The following NTRK2 variants were observed in gnomAD, a reference collection of about 807,000 sequenced individuals.
NTRK2 encodes BDNF/NT-3 growth factors receptor.
Under a neutral mutation model 94.5 loss-of-function variants are expected in NTRK2, and 13 were observed. That is an observed-to-expected ratio of 0.14 (90% CI 0.09 to 0.22). The LOEUF (loss-of-function observed/expected upper bound fraction) is 0.22, where lower values mean the gene tolerates loss of function less well. Among genes scored for constraint, NTRK2 ranks in the 10% least tolerant of loss-of-function variants. The pLI is 1.00. For missense variants in NTRK2, 639 were observed against 1,071.2 expected, an observed-to-expected ratio of 0.60 and a Z score of 5.63; for synonymous variants, 372 against 407.4, an observed-to-expected ratio of 0.91 and a Z score of 1.05.
At chr9:84,735,216 A>G (rs2063170008) in intron 9 of NTRK2, among the ~76,000 whole-genome samples, 1 of 152,128 alleles carries the variant, frequency 6.6e-6, no homozygotes, top group South Asian at 2.1e-4. Flanking sequence ...TAAAAATAAA[A>G]ATTGTCGTCC....
chr9:84,672,420 G>A (rs2058758425), intron 2 of NTRK2, among the ~76,000 whole-genome samples: 3 of 152,206 alleles, frequency 2.0e-5, no homozygotes, highest in African/African-American at 7.2e-5. Context: ...GGTGGTCTTG[G>A]ACTGGGCTGG....
rs1705089444 is a variant in NTRK2, at chr9:84,871,073, T to C, written c.1633+3642T>C. ...CTAGGAACGAGAGATCTCTTGAAAA[T>C]GATGGCTTGTTCCCTGCTCTCAAGG... On this transcript the variant is annotated intron_variant, in intron 14 of 18. Coordinates refer to ENST00000277120, the MANE Select transcript of NTRK2 (RefSeq NM_006180.6). 3.9e-5 allele frequency among the ~76,000 whole-genome samples: 6 copies of C among 152,316 alleles called. No homozygotes were observed. In the South Asian group the frequency reaches 1.2e-3, roughly 32 times the overall value.
intron 14 of NTRK2, among the ~76,000 whole-genome samples, chr9:84,905,485 C>T (rs907003406): frequency 6.6e-6 from 1 of 152,060 alleles, no homozygotes; most frequent in Non-Finnish European, 1.5e-5. Context: ...TCTTACAAAC[C>T]AGTGCTTTTT....
At chr9:84,803,899 A>G (rs2070791647) in intron 12 of NTRK2, among the ~76,000 whole-genome samples, 1 of 152,310 alleles carries the variant, frequency 6.6e-6, no homozygotes, top group South Asian at 2.1e-4. Context: ...CCTGTATTCA[A>G]GTGAGGGTAA....
intron 17 of NTRK2, among the ~76,000 whole-genome samples, chr9:84,969,664 T>A (rs1475335704): frequency 6.6e-6 from 1 of 152,242 alleles, no homozygotes; most frequent in East Asian, 1.9e-4. Context: ...AGATAATCTA[T>A]AACAATAATA....
intron 12 of NTRK2, chr9:84,810,991 A>G: frequency 2.7e-6 from 3 of 1,118,716 alleles, no homozygotes; most frequent in Non-Finnish European, 3.3e-6. Flanking sequence ...TTAAAAAAAA[A>G]TTAAAGTTGA....
chr9:84,769,113 A>G (rs2066297337), intron 12 of NTRK2, among the ~76,000 whole-genome samples: 1 of 152,184 alleles, frequency 6.6e-6, no homozygotes, highest in South Asian at 2.1e-4. Context: ...TCTTTGTCGT[A>G]GGGTGTACTC....
intron 12 of NTRK2, among the ~76,000 whole-genome samples, chr9:84,773,716 C>T (rs1283926105): frequency 2.0e-5 from 3 of 152,134 alleles, no homozygotes; most frequent in Non-Finnish European, 4.4e-5. Flanking sequence ...TTATGATAGC[C>T]AGTTTCTAAT....
chr9:84,843,973 A>C (rs2074328378), intron 12 of NTRK2, among the ~76,000 whole-genome samples: 1 of 152,220 alleles, frequency 6.6e-6, no homozygotes, highest in Admixed American at 6.5e-5. Flanking sequence ...TAGAGGCAAG[A>C]CACAGCACAA....
intron 14 of NTRK2, among the ~76,000 whole-genome samples, chr9:84,891,206 C>T (rs773527113): frequency 1.3e-5 from 2 of 151,990 alleles, no homozygotes; most frequent in South Asian, 2.1e-4. Context: ...TGCTTCTTCA[C>T]GTCATGGAGG....
intron 12 of NTRK2, among the ~76,000 whole-genome samples, chr9:84,859,650 GA>G (rs1564397853): frequency 2.0e-5 from 3 of 152,014 alleles, no homozygotes; most frequent in African/African-American, 7.2e-5. Flanking sequence ...CATCTTAAGT[GA>G]AAAAAACAGG....
intron 2 of NTRK2, among the ~76,000 whole-genome samples, chr9:84,700,741 T>C (rs192197986): frequency 1.1e-4 from 16 of 152,342 alleles, no homozygotes; most frequent in African/African-American, 3.8e-4. Flanking sequence ...ATTTTTTTCA[T>C]TTTAACTCAC....
rs77718104 is a variant in NTRK2, at chr9:84,880,434, A to G, written c.1633+13003A>G. On this transcript the variant is annotated intron_variant, in intron 14 of 18. Coordinates refer to ENST00000277120, the MANE Select transcript of NTRK2 (RefSeq NM_006180.6). ...TTGATGCGAATCTTATGAGCATCGCAGAGGACAGACAAGTACTCCTCTGGC... is the reference window on the plus strand; with the variant it reads ...TTGATGCGAATCTTATGAGCATCGCGGAGGACAGACAAGTACTCCTCTGGC... Among the ~76,000 whole-genome samples the G allele has an allele frequency of 7.3e-3, 1,116 of 152,324 alleles. 16 individuals carry two copies. The highest frequency in any genetic ancestry group is 0.038 in the Admixed American group (588 of 15,290).
intron 17 of NTRK2, among the ~76,000 whole-genome samples, chr9:84,994,587 G>A (rs1829506466): frequency 6.6e-6 from 1 of 152,154 alleles, no homozygotes; most frequent in Non-Finnish European, 1.5e-5. Context: ...CCAGATCACT[G>A]CAGCGCTTCC....
At chr9:84,998,219 C>T (rs1829974075) in intron 17 of NTRK2, among the ~76,000 whole-genome samples, 2 of 152,204 alleles carry the variant, frequency 1.3e-5, no homozygotes, top group African/African-American at 4.8e-5. Context: ...AGCAAGCAGT[C>T]AATCACATGG....
At chr9:84,722,643 C>A (rs1199989755) in intron 6 of NTRK2, among the ~76,000 whole-genome samples, 1 of 152,028 alleles carries the variant, frequency 6.6e-6, no homozygotes, top group Non-Finnish European at 1.5e-5. Flanking sequence ...TATTGTTATA[C>A]CCTCTAAGAC....
Position 84,669,980 on chromosome 9 carries a change from G to T in NTRK2, c.-373+92G>T, listed in dbSNP as rs558207242. 219 of 153,928 alleles carry T rather than the reference G, an allele frequency of 1.4e-3. 1 individual carries two copies. Among genetic ancestry groups the T allele is most frequent in the Admixed American group, 3.7e-3 (56 of 15,306 alleles). The allele number at this position is 153,928 out of a possible 1,614,324, so 9.5% of individuals were successfully genotyped here. On this transcript the variant is annotated intron_variant, in intron 1 of 18. Transcript: ENST00000277120. The surrounding 1 kb of genome is among the most constrained non-coding windows in gnomAD (Gnocchi z 4.1). ...CTACTCCCCAGGTGGGACGTGCCGC[G>T]CCACCTGCCCGCGCCACCGGCACCC...
intron 9 of NTRK2, among the ~76,000 whole-genome samples, chr9:84,740,822 A>G (rs1364284339): frequency 1.3e-5 from 2 of 152,202 alleles, no homozygotes; most frequent in Non-Finnish European, 2.9e-5. Flanking sequence ...TTCTTCATTT[A>G]GACTAACCTT....
At chr9:84,997,756 G>A (rs1306684758) in intron 17 of NTRK2, among the ~76,000 whole-genome samples, 1 of 152,170 alleles carries the variant, frequency 6.6e-6, no homozygotes, top group East Asian at 1.9e-4. Flanking sequence ...CTTAAGTAAT[G>A]CTGGGTCTGG....
Sources: gnomAD v4.1 joint callset for allele counts (sites outside exome capture counted in the v4.1 genomes callset) on GRCh38, gnomAD v4.1.1 for gene constraint, Gnocchi (gnomAD v3.1) non-coding constraint, MANE v1.5 for transcripts, NCBI Gene and HGNC (gene_info 2026-07-23, HGNC 2026-07-21) for gene names.